The following DACH2 variants were observed in gnomAD, a reference collection of about 807,000 sequenced individuals.
DACH2 encodes dachshund homolog 2.
A neutral mutation model predicts 35.8 loss-of-function variants in DACH2; 17 were observed. The ratio of observed to expected loss-of-function variants is 0.48; its 90% CI spans 0.33 to 0.71. The LOEUF is 0.71. DACH2 is among the 30% of genes least tolerant of loss of function. DACH2 has a pLI of 0.02. For missense variants in DACH2, 469 were observed against 472.7 expected, an observed-to-expected ratio of 0.99 and a Z score of 0.07; for synonymous variants, 195 against 177.3, an observed-to-expected ratio of 1.10 and a Z score of -0.79.
At chrX:86,426,921 C>G (rs2036903180) in intron 2 of DACH2, among the ~76,000 whole-genome samples, 1 of 112,278 alleles carries the variant, frequency 8.9e-6, no homozygotes, top group African/African-American at 3.2e-5. Flanking sequence ...TCTAGAAAAG[C>G]TGGTGTATTT....
At chrX:86,752,404 G>T (rs2041783830) in intron 7 of DACH2, among the ~76,000 whole-genome samples, 1 of 110,816 alleles carries the variant, frequency 9.0e-6, no homozygotes, top group African/African-American at 3.3e-5. Flanking sequence ...GTCTGTTTTG[G>T]AGAAATAAAT....
intron 1 of DACH2, among the ~76,000 whole-genome samples, chrX:86,277,739 C>A: frequency 9.0e-6 from 1 of 111,390 alleles, no homozygotes; most frequent in East Asian, 2.8e-4. Context: ...TGACAACAAC[C>A]AATTGAGAGC....
intron 1 of DACH2, among the ~76,000 whole-genome samples, chrX:86,375,479 C>T (rs1439840507): frequency 1.9e-5 from 2 of 103,101 alleles, no homozygotes; most frequent in African/African-American, 7.0e-5. Flanking sequence ...AAAAAAGAGA[C>T]GGACCTTTGG....
chrX:86,468,172 T>A (rs1304929780), intron 2 of DACH2, among the ~76,000 whole-genome samples: 1 of 111,861 alleles, frequency 8.9e-6, no homozygotes, highest in Admixed American at 9.5e-5. Context: ...ATATAGTAAA[T>A]GTTGAATGGC....
At chrX:86,773,235 C>T (rs2042002994) in intron 7 of DACH2, among the ~76,000 whole-genome samples, 1 of 111,771 alleles carries the variant, frequency 8.9e-6, no homozygotes, top group Non-Finnish European at 1.9e-5. Context: ...GTTCCTTATC[C>T]TGTTTAAGAA....
intron 2 of DACH2, among the ~76,000 whole-genome samples, chrX:86,414,394 C>A (rs183130201): frequency 1.8e-5 from 2 of 111,597 alleles, no homozygotes; most frequent in East Asian, 2.8e-4. Context: ...ACTATGCCTA[C>A]CTTTACCTTG....
chrX:86,658,677 G>T lies in DACH2; in HGVS notation c.772+7510G>T, dbSNP rs189158394. 1.6e-4 allele frequency among the ~76,000 whole-genome samples: 18 copies of T among 111,761 alleles called. No individual in the cohort carries two copies. The East Asian group carries it at 4.8e-3, about 30-fold the overall frequency. The stretch of plus-strand genomic sequence containing the variant: ...TCAATCACTAAAGGTTATGGCTGTA[G>T]AGAGTTTGTGGGAAATAGATGCTTG... On this transcript the variant is annotated intron_variant, in intron 4 of 11. Coordinates refer to ENST00000373125, the MANE Select transcript of DACH2 (RefSeq NM_053281.3).
chrX:86,449,536 G>T lies in DACH2; in HGVS notation c.528-64743G>T, dbSNP rs1010015922. 5.0e-4 allele frequency among the ~76,000 whole-genome samples: 56 copies of T among 111,249 alleles called. 1 individual carries two copies. The highest frequency in any genetic ancestry group is 9.5e-4 in the Non-Finnish European group (50 of 52,893). ...ACATATTACTGCTATTTTAAAAATT[G>T]TTTTCTAGTTTTCTTATGGATCATT... On this transcript the variant is annotated intron_variant, in intron 2 of 11. Coordinates refer to ENST00000373125, the MANE Select transcript of DACH2 (RefSeq NM_053281.3).
At chrX:86,764,818 A>C (rs1358785220) in intron 7 of DACH2, among the ~76,000 whole-genome samples, 2 of 112,239 alleles carry the variant, frequency 1.8e-5, no homozygotes, top group African/African-American at 6.5e-5. Flanking sequence ...TGCCTTCCAC[A>C]GTGGCTGAAC....
In DACH2 at chrX:86,517,259, G is replaced by A. The variant is rs149890228; in HGVS notation, c.640+2868G>A. 3.1e-4 allele frequency among the ~76,000 whole-genome samples: 34 copies of A among 111,237 alleles called. 1 individual carries two copies. In the East Asian group the frequency reaches 7.7e-3, roughly 25 times the overall value. ...TAGCCATTCTGATTGGTGAAAGATG[G>A]TATTTCATTGTGGTTTTGATTTACC... On this transcript the variant is annotated intron_variant, in intron 3 of 11. Transcript: ENST00000373125.
chrX:86,224,295 T>A (rs973377479), intron 1 of DACH2, among the ~76,000 whole-genome samples: 2 of 111,676 alleles, frequency 1.8e-5, no homozygotes, highest in Non-Finnish European at 3.8e-5. Flanking sequence ...AACAAATATA[T>A]TCAGGAGCAT....
chrX:86,682,565 T>C lies in DACH2; in HGVS notation c.773-12456T>C, dbSNP rs111352497. 1.1e-3 allele frequency among the ~76,000 whole-genome samples: 123 copies of C among 111,974 alleles called. 1 individual carries two copies. Among genetic ancestry groups the C allele is most frequent in the African/African-American group, 3.8e-3 (118 of 30,878 alleles). On this transcript the variant is annotated intron_variant, in intron 4 of 11. Transcript: ENST00000373125. The stretch of plus-strand genomic sequence containing the variant: ...GTGATTTTCACAGGTATTAGACATA[T>C]ATGTGGTAAGTGTTTTGTAAGCAGC...
At chrX:86,622,152 C>A (rs2040076136) in intron 3 of DACH2, among the ~76,000 whole-genome samples, 1 of 111,547 alleles carries the variant, frequency 9.0e-6, no homozygotes, top group African/African-American at 3.2e-5. Context: ...GCTATTAAAA[C>A]CTCAAGAAAA....
intron 5 of DACH2, among the ~76,000 whole-genome samples, chrX:86,710,534 T>C (rs2041267257): frequency 8.9e-6 from 1 of 112,186 alleles, no homozygotes; most frequent in Admixed American, 9.5e-5. Context: ...TGCTAATGTG[T>C]TTTATTAATC....
At chrX:86,819,754 C>A (rs1297660603) in intron 11 of DACH2, among the ~76,000 whole-genome samples, 1 of 111,148 alleles carries the variant, frequency 9.0e-6, no homozygotes, top group Non-Finnish European at 1.9e-5. Flanking sequence ...ACCTAAAAAC[C>A]CTCTCAGTTT....
At chrX:86,456,038 G>A (rs1398189221) in intron 2 of DACH2, among the ~76,000 whole-genome samples, 1 of 112,226 alleles carries the variant, frequency 8.9e-6, no homozygotes, top group East Asian at 2.8e-4. Context: ...GGTTTCCCTG[G>A]CAGGGTAGCA....
chrX:86,827,724 C>T (rs980888510), intron 11 of DACH2: 11 of 1,133,944 alleles, frequency 9.7e-6, no homozygotes, highest in South Asian at 3.9e-5. Context: ...TTTCTTTGTT[C>T]GAATGAAATT....
chrX:86,202,383 T>A (rs2032179228), intron 1 of DACH2, among the ~76,000 whole-genome samples: 1 of 111,841 alleles, frequency 8.9e-6, no homozygotes, highest in Admixed American at 9.5e-5. Flanking sequence ...AATCATATTG[T>A]TTCTCAGAGG....
chrX:86,795,469 A>G (rs2042227317), intron 7 of DACH2, among the ~76,000 whole-genome samples: 1 of 110,168 alleles, frequency 9.1e-6, no homozygotes, highest in South Asian at 3.9e-4. Context: ...TCCTGACCTC[A>G]TGATCCACCT....
Sources: gnomAD v4.1 joint callset for allele counts (sites outside exome capture counted in the v4.1 genomes callset) on GRCh38, gnomAD v4.1.1 for gene constraint, MANE v1.5 for transcripts, NCBI Gene and HGNC (gene_info 2026-07-23, HGNC 2026-07-21) for gene names.